TTLL1: variants seen among roughly 807,000 people sequenced by gnomAD.
TTLL1 encodes polyglutamylase complex subunit TTLL1.
TTLL1 carries 33 observed loss-of-function variants against 47.8 expected under a neutral mutation model. The observed-to-expected ratio is 0.69, with a 90% confidence interval of 0.52 to 0.92. The LOEUF (loss-of-function observed/expected upper bound fraction) is 0.92. Among genes scored for constraint, TTLL1 ranks in the 40% least tolerant of loss-of-function variants. The pLI is 0.00. For missense variants in TTLL1, 488 were observed against 547.5 expected (o/e 0.89, Z 1.08); for synonymous variants, 225 against 214.1 (o/e 1.05, Z -0.45).
In TTLL1 at chr22:43,063,804, C is replaced by T. The variant is rs372552741; in HGVS notation, c.747+9G>A. ...ATTTCTGTAAGCACAAATGAAAGGA[C>T]ACACTCACCCCGTGTTTCTGGATGG... On this transcript the variant is annotated intron_variant, in intron 7 of 10. Transcript: ENST00000266254. The T allele has an allele frequency of 6.3e-4, 1,012 of 1,612,176 alleles. No individual in the cohort carries two copies. Among genetic ancestry groups the T allele is most frequent in the Non-Finnish European group, 8.4e-4 (985 of 1,178,390 alleles).
intron 1 of TTLL1, among the ~76,000 whole-genome samples, chr22:43,088,855 G>T (rs374242973): frequency 1.3e-5 from 2 of 152,078 alleles, no homozygotes; most frequent in Admixed American, 6.6e-5. Flanking sequence ...ATCAGAGAGG[G>T]GAAATGTCTT....
At chr22:43,053,805 C>G (rs975057216) in intron 8 of TTLL1, among the ~76,000 whole-genome samples, 1 of 152,126 alleles carries the variant, frequency 6.6e-6, no homozygotes, top group Non-Finnish European at 1.5e-5. Context: ...AAACTGAGGC[C>G]CAGAAGGAGT....
chr22:43,066,035 T>C (rs6003026), intron 5 of TTLL1, among the ~76,000 whole-genome samples: 14,118 of 151,594 alleles, frequency 0.093, 869 homozygotes, highest in African/African-American at 0.17. Context: ...GGCGGGTGCC[T>C]GTAGTCCCAG....
chr22:43,051,774 A>T, intron 9 of TTLL1, 27 bp downstream of exon 9: 1 of 1,610,492 alleles, frequency 6.2e-7, no homozygotes, highest in African/African-American at 1.3e-5. Context: ...GTGTGGTGTG[A>T]CCAGGTGCAG....
At chr22:43,071,212 T>C (rs923363484) in intron 3 of TTLL1, among the ~76,000 whole-genome samples, 5 of 151,834 alleles carry the variant, frequency 3.3e-5, no homozygotes, top group Admixed American at 2.6e-4. Context: ...CCACCGTGCT[T>C]GGCAACGGCA....
chr22:43,045,069 G>C (rs1000583417), intron 10 of TTLL1, among the ~76,000 whole-genome samples: 6 of 152,110 alleles, frequency 3.9e-5, no homozygotes, highest in Non-Finnish European at 8.8e-5. Context: ...CACCATGTTG[G>C]TCAGGCTGGT....
chr22:43,073,323 G>GTCTA (rs1317655128), intron 3 of TTLL1, among the ~76,000 whole-genome samples: 1 of 129,336 alleles, frequency 7.7e-6, no homozygotes, highest in Non-Finnish European at 1.6e-5. Flanking sequence ...ACTGCGCCCG[G>GTCTA]TCTATTTATT....
At chr22:43,079,804 C>T (rs901535751) in intron 2 of TTLL1, 98 bp downstream of exon 2, 1 of 152,268 alleles carries the variant, frequency 6.6e-6, no homozygotes, top group Non-Finnish European at 1.5e-5. Context: ...GGGGCAGGTG[C>T]TTTAGCCAGA....
intron 4 of TTLL1, among the ~76,000 whole-genome samples, chr22:43,069,111 T>G (rs979050938): frequency 6.7e-6 from 1 of 149,976 alleles, no homozygotes; most frequent in African/African-American, 2.5e-5. Context: ...GTGTGGTGGC[T>G]CACGTCTATA....
chr22:43,081,132 T>G (rs181169977), intron 1 of TTLL1, among the ~76,000 whole-genome samples: 4 of 151,828 alleles, frequency 2.6e-5, no homozygotes, highest in Non-Finnish European at 5.9e-5. Context: ...GCCAGGCTGG[T>G]CTCAAACTCC....
chr22:43,048,300 G>A lies in TTLL1; in HGVS notation c.979-1727C>T, dbSNP rs138380468. Among the ~76,000 whole-genome samples the A allele has an allele frequency of 6.0e-3, 906 of 151,370 alleles. 9 individuals carry two copies. Among genetic ancestry groups the A allele is most frequent in the African/African-American group, 0.021 (855 of 41,220 alleles). On this transcript the variant is annotated intron_variant, in intron 9 of 10. Coordinates refer to ENST00000266254, the MANE Select transcript of TTLL1 (RefSeq NM_012263.5). ...CCACTGCGCTCCAGCCTGGGTCACA[G>A]AGTGAGACTCCGTCTCAAAAAAAAA...
rs570902222 is a variant in TTLL1 at position 43,053,817 on chromosome 22, G to A, written c.892-1930C>T. Among the ~76,000 whole-genome samples the A allele has an allele frequency of 4.6e-5, 7 of 152,350 alleles. No individual in the cohort carries two copies. The South Asian group carries it at 8.3e-4, about 18-fold the overall frequency. ...AGGAAACTGAGGCCCAGAAGGAGTC[G>A]TTCAGAGGCACCTGCCAGAGGGCCA... On this transcript the variant is annotated intron_variant, in intron 8 of 10. Coordinates refer to ENST00000266254, the MANE Select transcript of TTLL1 (RefSeq NM_012263.5).
chr22:43,069,662 T>A lies in TTLL1; in HGVS notation c.296A>T (p.Asp99Val), dbSNP rs189827565. The change falls in exon 4 of 11, where the codon GAT (aspartate) becomes GTT (valine). Residue 99 changes from aspartate (D) to valine (V), a missense_variant. Physicochemically the swap from Asp to Val is radical, Grantham distance 152. Transcript: ENST00000266254. ...EKEGSPLAEKDENGKYLYLDF... is the reference protein window; with the variant it reads ...EKEGSPLAEKVENGKYLYLDF... ...CAGATAGAGGTATTTTCCATTTTCA[T>A]CTTTTTCTGCCAGAGGACTCCCTTC... The A allele has an allele frequency of 6.2e-6, 10 of 1,614,258 alleles. No individual in the cohort carries two copies. Among genetic ancestry groups the A allele is most frequent in the Non-Finnish European group, 8.5e-6 (10 of 1,180,050 alleles).
At chr22:43,056,456 T>A (rs1235421972) in intron 8 of TTLL1, among the ~76,000 whole-genome samples, 2 of 149,680 alleles carry the variant, frequency 1.3e-5, no homozygotes, top group East Asian at 3.9e-4. Context: ...CCATCTTTCT[T>A]CTTGTCTTTT....
chr22:43,064,046 G>A lies in TTLL1; in HGVS notation c.639-125C>T, dbSNP rs1927566738. The A allele has an allele frequency of 2.7e-6, 4 of 1,482,696 alleles. No homozygotes were observed. The Admixed American group carries it at 7.5e-5, about 28-fold the overall frequency. 91.8% of individuals were successfully genotyped at this position (1,482,696 alleles called of 1,614,324 possible). Reference sequence around the variant, plus strand: ...CACGACTCACATCGGCATCGGGCCTGACTGCTCTTACTTCCCTCAATCCCT... The same window carrying A: ...CACGACTCACATCGGCATCGGGCCTAACTGCTCTTACTTCCCTCAATCCCT... On this transcript the variant is annotated intron_variant, in intron 6 of 10. Transcript: ENST00000266254.
intron 2 of TTLL1, among the ~76,000 whole-genome samples, chr22:43,079,196 G>A (rs1601702819): frequency 2.7e-5 from 2 of 75,246 alleles, no homozygotes; most frequent in Non-Finnish European, 6.7e-5. Context: ...CGGGGACCAC[G>A]GGAGCCGCAC....
chr22:43,057,127 G>A (rs1465305422), intron 8 of TTLL1, among the ~76,000 whole-genome samples: 3 of 152,000 alleles, frequency 2.0e-5, no homozygotes, highest in Non-Finnish European at 2.9e-5. Context: ...AAAATTAGTT[G>A]GACATTGTGG....
At chr22:43,041,303 T>C (rs546219561) in intron 10 of TTLL1, 6 of 152,312 alleles carry the variant, frequency 3.9e-5, no homozygotes, top group African/African-American at 1.4e-4. Flanking sequence ...CGGTTGTATG[T>C]AGGTATTTGT....
rs771972288 is a variant in TTLL1 at position 43,059,355 on chromosome 22, G to T, written c.891+29C>A. ...CCCCACTCCCAAACGGGCCCTGGGAGCCGGCTCCCCCGCCCGCACCAAACT... is the reference window on the plus strand; with the variant it reads ...CCCCACTCCCAAACGGGCCCTGGGATCCGGCTCCCCCGCCCGCACCAAACT... On this transcript the variant is annotated intron_variant, in intron 8 of 10. Transcript: ENST00000266254. 8.8e-6 allele frequency: 14 copies of T among 1,590,560 alleles called. No homozygotes were observed. In the South Asian group the frequency reaches 1.5e-4, roughly 17 times the overall value.
Sources: allele counts gnomAD v4.1 joint callset (sites outside exome capture counted in the v4.1 genomes callset), GRCh38; gene constraint gnomAD v4.1.1; transcripts MANE v1.5; gene names NCBI Gene and HGNC (gene_info 2026-07-23, HGNC 2026-07-21).